PAN3: variants seen among roughly 807,000 people sequenced by gnomAD.
The protein encoded by PAN3 is poly(A) specific ribonuclease subunit PAN3.
In PAN3, 19 loss-of-function variants were observed where a neutral mutation model predicts 96.2. The ratio of observed to expected loss-of-function variants is 0.20; its 90% CI spans 0.14 to 0.29. PAN3 has a LOEUF of 0.29. PAN3 is among the 10% of genes least tolerant of loss of function. The probability of loss-of-function intolerance (pLI) is 1.00; values close to 1 mark genes in which losing one functional copy is unlikely to be tolerated. For synonymous variants in PAN3, 433 were observed against 406.6 expected (o/e 1.06, Z -0.78); for missense variants, 882 against 1,108.1 (o/e 0.80, Z 2.90).
Position 28,174,302 on chromosome 13 carries a change from A to T in PAN3, c.461A>T (p.Asp154Val). ...IPGMDGGALTDTSLTDSYFST... is the reference protein window; with the variant it reads ...IPGMDGGALTVTSLTDSYFST... The stretch of plus-strand genomic sequence containing the variant: ...GGAATGGATGGAGGTGCTTTAACTG[A>T]TACAAGTCTCACAGATTCCTATTTT... The change falls in exon 2 of 19, where the codon GAT (aspartate) becomes GTT (valine). Residue 154 changes from aspartate (D) to valine (V), a missense_variant. Asp to Val is a radical substitution (Grantham distance 152). This residue lies in a region of PAN3 where 442 missense variants were observed against 422.8 expected (regional missense o/e 1.05). Transcript: ENST00000380958. The T allele has an allele frequency of 1.2e-6, 2 of 1,612,854 alleles. No homozygotes were observed. Among genetic ancestry groups the T allele is most frequent in the Non-Finnish European group, 1.7e-6 (2 of 1,178,898 alleles).
At chr13:28,240,999 C>T (rs554949602) in intron 6 of PAN3, among the ~76,000 whole-genome samples, 20 of 152,334 alleles carry the variant, frequency 1.3e-4, no homozygotes, top group East Asian at 5.8e-4. Context: ...GTGGCCCATG[C>T]CTGTTATCCC....
At chr13:28,248,917 G>A (rs1265738388) in intron 6 of PAN3, among the ~76,000 whole-genome samples, 2 of 151,988 alleles carry the variant, frequency 1.3e-5, no homozygotes, top group Non-Finnish European at 2.9e-5. Context: ...TATCATAAAG[G>A]GATGTTAAAT....
At chr13:28,202,800 T>C (rs1417321484) in intron 5 of PAN3, among the ~76,000 whole-genome samples, 1 of 152,198 alleles carries the variant, frequency 6.6e-6, no homozygotes, top group East Asian at 1.9e-4. Context: ...ATACTTGAGG[T>C]TAAGCATGTG....
rs879414444 is a variant in PAN3 at position 28,252,765 on chromosome 13, CA to C, written c.1001-3518del. On this transcript the variant is annotated intron_variant, in intron 6 of 18. Transcript: ENST00000380958. ...AGAATGTCATTTCAAGAGTAAATGA[CA>C]AAAAAAAATACAAAAAATGAAATAC... Among the ~76,000 whole-genome samples, 114 of 148,304 alleles carry C rather than the reference CA, an allele frequency of 7.7e-4. 1 individual carries two copies. Among genetic ancestry groups the C allele is most frequent in the East Asian group, 4.1e-3 (21 of 5,118 alleles).
chr13:28,228,387 C>T (rs1462848851), intron 6 of PAN3, among the ~76,000 whole-genome samples: 1 of 151,932 alleles, frequency 6.6e-6, no homozygotes, highest in Non-Finnish European at 1.5e-5. Context: ...CTTTTTCAAA[C>T]CCCCAATGCA....
chr13:28,267,050 G>T, intron 10 of PAN3, 45 bp from the exon 11 acceptor site: 2 of 1,500,688 alleles, frequency 1.3e-6, no homozygotes, highest in South Asian at 1.2e-5. Context: ...GAATATGAAG[G>T]AGACGTCAAT....
At chr13:28,183,627 AT>A (rs1468441946) in intron 4 of PAN3, among the ~76,000 whole-genome samples, 1 of 152,208 alleles carries the variant, frequency 6.6e-6, no homozygotes, top group Non-Finnish European at 1.5e-5. Context: ...CTCTTGGAGA[AT>A]TTTAATTTTT....
chr13:28,256,520 C>T lies in PAN3; in HGVS notation c.1229C>T (p.Pro410Leu), dbSNP rs1457449244. 2 of 1,613,578 alleles carry T rather than the reference C, an allele frequency of 1.2e-6. No individual in the cohort carries two copies. Among genetic ancestry groups the T allele is most frequent in the Non-Finnish European group, 1.7e-6 (2 of 1,179,802 alleles). ...ACTTACTTCTATACAGACACAACTC[C>T]AGCACCTTTGACTGGAATGGTATGT... ...GTTYFYTDTT[P>L]APLTGMVFPN... is the part of the protein sequence containing the mutation. Residue 410 changes from proline to leucine, a missense_variant, in exon 7 of 19, where the codon CCA (proline) becomes CTA (leucine). Physicochemically the swap from Pro to Leu is moderately conservative, Grantham distance 98. Around this residue, in one of 3 missense-constraint regions of PAN3, gnomAD observed 364 missense variants for 513.6 expected, o/e 0.71. Transcript: ENST00000380958.
intron 6 of PAN3, among the ~76,000 whole-genome samples, chr13:28,249,391 C>G (rs1276896172): frequency 1.3e-5 from 2 of 151,908 alleles, no homozygotes; most frequent in East Asian, 3.9e-4. Context: ...ACCATTCATG[C>G]TTTAACTAAG....
Position 28,251,084 on chromosome 13 carries a change from T to A in PAN3, c.1001-5208T>A, listed in dbSNP as rs547357778. On this transcript the variant is annotated intron_variant, in intron 6 of 18. Coordinates refer to ENST00000380958, the MANE Select transcript of PAN3 (RefSeq NM_175854.8). ...ACTCTTTGATTTATCTACTTTGCTA[T>A]TTAATGCATCTTTTGATGTTTTTTC... 4.9e-4 allele frequency among the ~76,000 whole-genome samples: 75 copies of A among 152,350 alleles called. 1 individual carries two copies. Among genetic ancestry groups the A allele is most frequent in the Admixed American group, 2.9e-3 (45 of 15,300 alleles).
At chr13:28,202,325 T>G (rs1878815430) in intron 5 of PAN3, among the ~76,000 whole-genome samples, 1 of 152,206 alleles carries the variant, frequency 6.6e-6, no homozygotes, top group African/African-American at 2.4e-5. Context: ...TTTTTTAAAG[T>G]CTACAGTATC....
At chr13:28,189,587 A>G (rs1382336502) in intron 4 of PAN3, among the ~76,000 whole-genome samples, 7 of 152,162 alleles carry the variant, frequency 4.6e-5, no homozygotes, top group African/African-American at 1.4e-4. Context: ...GCAAGGAGCT[A>G]CAAGGACTTG....
intron 5 of PAN3, chr13:28,214,782 A>T (rs1379392282): frequency 1.7e-6 from 1 of 593,968 alleles, no homozygotes; most frequent in Admixed American, 2.3e-5. Flanking sequence ...ATGACTTAGC[A>T]TTGATGCCCC....
At chr13:28,274,221 C>T (rs1886872822) in intron 14 of PAN3, among the ~76,000 whole-genome samples, 1 of 152,098 alleles carries the variant, frequency 6.6e-6, no homozygotes, top group African/African-American at 2.4e-5. Flanking sequence ...GCATTTGCCC[C>T]CTCTTTCTTA....
intron 2 of PAN3, 103 bp from the exon 3 acceptor site, chr13:28,176,390 G>A: frequency 2.0e-6 from 2 of 1,000,036 alleles, no homozygotes; most frequent in Non-Finnish European, 3.1e-6. Context: ...AATGTGAACA[G>A]TAGATTGGAG....
At chr13:28,191,037 C>T (rs574791861) in intron 4 of PAN3, among the ~76,000 whole-genome samples, 10 of 152,150 alleles carry the variant, frequency 6.6e-5, no homozygotes, top group Non-Finnish European at 1.5e-4. Flanking sequence ...AGGGAATTTA[C>T]CTTTTTTGGG....
At chr13:28,159,535 G>A (rs898004286) in intron 1 of PAN3, among the ~76,000 whole-genome samples, 1 of 152,142 alleles carries the variant, frequency 6.6e-6, no homozygotes, top group African/African-American at 2.4e-5. Flanking sequence ...TGCAACCTCC[G>A]CCTCCCTGGT....
intron 6 of PAN3, among the ~76,000 whole-genome samples, chr13:28,244,295 G>A (rs757631657): frequency 8.5e-5 from 13 of 152,118 alleles, no homozygotes; most frequent in Non-Finnish European, 1.9e-4. Context: ...CTTCATAACA[G>A]CATATTTTAA....
At chr13:28,154,497 A>G (rs184516604) in intron 1 of PAN3, among the ~76,000 whole-genome samples, 1 of 151,490 alleles carries the variant, frequency 6.6e-6, no homozygotes, top group Non-Finnish European at 1.5e-5. Flanking sequence ...TATTTTTTAT[A>G]TATTTATTTA....
Sources: gnomAD v4.1 joint callset for allele counts (sites outside exome capture counted in the v4.1 genomes callset) on GRCh38, gnomAD v4.1.1 for gene constraint, gnomAD v4.1.1 regional missense constraint, MANE v1.5 for transcripts, NCBI Gene and HGNC (gene_info 2026-07-23, HGNC 2026-07-21) for gene names.